The following CEP350 variants were observed in gnomAD, a reference collection of about 807,000 sequenced individuals.
CEP350 encodes the protein centrosome-associated protein 350.
CEP350 carries 126 observed loss-of-function variants against 331.8 expected under a neutral mutation model. That is an observed-to-expected ratio of 0.38 (90% CI 0.33 to 0.44). The LOEUF is 0.44. Among genes scored for constraint, CEP350 ranks in the 20% least tolerant of loss-of-function variants. CEP350 has a pLI of 1.00. For synonymous variants in CEP350, 1,200 were observed against 1,259.5 expected, an observed-to-expected ratio of 0.95 and a Z score of 1.00; for missense variants, 3,406 against 3,634.6, an observed-to-expected ratio of 0.94 and a Z score of 1.62.
intron 1 of CEP350, among the ~76,000 whole-genome samples, chr1:179,963,246 T>A (rs1650764575): frequency 6.6e-6 from 1 of 152,120 alleles, no homozygotes; most frequent in African/African-American, 2.4e-5. Context: ...CAAATATTTT[T>A]TTCCCATTCT....
At chr1:180,006,676 G>C in intron 8 of CEP350, 109 bp downstream of exon 8, 1 of 638,726 alleles carries the variant, frequency 1.6e-6, no homozygotes. Flanking sequence ...GATACACAGG[G>C]TATACGTGTG....
intron 25 of CEP350, among the ~76,000 whole-genome samples, chr1:180,060,359 A>C (rs1399988516): frequency 6.6e-6 from 1 of 152,040 alleles, no homozygotes; most frequent in Non-Finnish European, 1.5e-5. Context: ...TTAAAATCTC[A>C]CCATATGGGG....
At chr1:180,106,734 G>A (rs758597307) in intron 37 of CEP350, among the ~76,000 whole-genome samples, 3 of 151,826 alleles carry the variant, frequency 2.0e-5, no homozygotes, top group African/African-American at 4.8e-5. Flanking sequence ...GACCAGCCTC[G>A]TGTATTATTT....
intron 8 of CEP350, among the ~76,000 whole-genome samples, chr1:180,010,404 C>CTTTTT (rs60408983): frequency 2.5e-5 from 3 of 119,806 alleles, no homozygotes; most frequent in Non-Finnish European, 1.7e-5. Context: ...CCCATGTTTG[C>CTTTTT]TTTTTTTTTT....
In CEP350 at chr1:180,015,969, A is replaced by T; in HGVS notation, c.2173A>T (p.Arg725Ter). The T allele has an allele frequency of 6.2e-7, 1 of 1,613,352 alleles. No homozygotes were observed. The change falls in exon 11 of 38, where the codon AGA becomes TGA. Residue 725 changes from arginine to a stop codon, truncating the protein, a stop_gained and splice_region_variant. Transcript: ENST00000367607. LOFTEE classifies it high-confidence loss of function. ...CTCAGAACCTCCACAGCCTCTTGCA[A>T]GGTAAAAAGGGAAGAATGAAAGATG... ...SLSEPPQPLARKDLMESTWMQ... is the reference protein window; with the variant it reads ...SLSEPPQPLA
At chr1:179,956,543 G>T (rs1474335653) in intron 1 of CEP350, among the ~76,000 whole-genome samples, 1 of 152,152 alleles carries the variant, frequency 6.6e-6, no homozygotes, top group African/African-American at 2.4e-5. Flanking sequence ...GAATTATAAA[G>T]TTTTTGGATT....
chr1:180,091,342 G>C (rs1261394736), intron 33 of CEP350, among the ~76,000 whole-genome samples: 1 of 152,062 alleles, frequency 6.6e-6, no homozygotes, highest in Non-Finnish European at 1.5e-5. Context: ...ACACTCAGCT[G>C]AATCAGTCTT....
intron 1 of CEP350, among the ~76,000 whole-genome samples, chr1:179,971,677 G>A (rs1200138121): frequency 6.6e-6 from 1 of 152,130 alleles, no homozygotes; most frequent in African/African-American, 2.4e-5. Context: ...ATAAAAAGCA[G>A]TGAGTGGCAT....
intron 36 of CEP350, 85 bp downstream of exon 36, chr1:180,096,269 T>C: frequency 7.1e-7 from 1 of 1,411,198 alleles, no homozygotes. Context: ...GCAGGTGCTC[T>C]TCTGTATGAT....
intron 32 of CEP350, among the ~76,000 whole-genome samples, 169 bp from the exon 33 acceptor site, chr1:180,090,545 C>CAAAAAAAAAAAAAAAA (rs36128628): frequency 7.8e-5 from 6 of 77,354 alleles, no homozygotes; most frequent in African/African-American, 1.1e-4. Flanking sequence ...GACTCCGTCT[C>CAAAAAAAAAAAAAAAA]AAAAAAAAAA....
intron 28 of CEP350, among the ~76,000 whole-genome samples, chr1:180,076,200 T>C (rs977220550): frequency 2.0e-5 from 3 of 152,148 alleles, no homozygotes; most frequent in Admixed American, 2.0e-4. Context: ...CCTGGTATTA[T>C]AGTTCTTTAC....
At chr1:180,009,267 C>T (rs1571860614) in intron 8 of CEP350, among the ~76,000 whole-genome samples, 1 of 152,242 alleles carries the variant, frequency 6.6e-6, no homozygotes, top group Admixed American at 6.5e-5. Context: ...GCCTTAGCCT[C>T]CCAAAGTTTT....
chr1:179,991,667 A>ATGTGTGTGTG (rs751570955), intron 4 of CEP350, among the ~76,000 whole-genome samples: 2,127 of 90,094 alleles, frequency 0.024, 67 homozygotes, highest in South Asian at 0.043. Flanking sequence ...ATATATATAT[A>ATGTGTGTGTG]TGTGTGTGTG....
intron 37 of CEP350, among the ~76,000 whole-genome samples, chr1:180,107,324 C>G (rs1661198174): frequency 6.6e-6 from 1 of 152,128 alleles, no homozygotes; most frequent in Non-Finnish European, 1.5e-5. Flanking sequence ...AGGAAAAACT[C>G]CGAGTCTTTG....
intron 1 of CEP350, among the ~76,000 whole-genome samples, chr1:179,959,885 C>T (rs1389081700): frequency 2.7e-5 from 4 of 145,654 alleles, no homozygotes; most frequent in African/African-American, 7.5e-5. Flanking sequence ...AAAGTAAACC[C>T]GTAGGCTAGA....
At position 180,092,713 on chromosome 1, in the gene CEP350, A is replaced by G; in HGVS notation, c.6608A>G (p.Gln2203Arg). The G allele has an allele frequency of 6.2e-7, 1 of 1,611,642 alleles. No individual in the cohort carries two copies. Among genetic ancestry groups the G allele is most frequent in the South Asian group, 1.1e-5 (1 of 90,574 alleles). The change falls in exon 34 of 38, where the codon CAG (glutamine) becomes CGG (arginine). Residue 2203 changes from glutamine (Q) to arginine (R), a missense_variant. By Grantham distance (43) the Gln-to-Arg change is conservative. Transcript: ENST00000367607. ...NEWDSRTEDF[Q>R]TPSPVLRSSR... ...TGGGACAGTCGAACAGAAGATTTTC[A>G]GACCCCATCTCCAGTTCTCAGATCA...
chr1:179,979,813 T>C (rs1237287187), intron 1 of CEP350, among the ~76,000 whole-genome samples: 1 of 152,118 alleles, frequency 6.6e-6, no homozygotes, highest in Non-Finnish European at 1.5e-5. Context: ...CTATCCCCAA[T>C]GAATGTTCTT....
At chr1:180,046,910 A>G (rs1657157659) in intron 21 of CEP350, among the ~76,000 whole-genome samples, 1 of 152,256 alleles carries the variant, frequency 6.6e-6, no homozygotes, top group Admixed American at 6.5e-5. Flanking sequence ...TTCTGACTTG[A>G]AAGTCCCTAC....
chr1:180,098,895 C>T lies in CEP350; in HGVS notation c.9099C>T (p.Phe3033=). 1 of 1,613,152 alleles carries T rather than the reference C, an allele frequency of 6.2e-7. No individual in the cohort carries two copies. Among genetic ancestry groups the T allele is most frequent in the Non-Finnish European group, 8.5e-7 (1 of 1,179,496 alleles). Residue 3033 remains phenylalanine, a synonymous_variant, in exon 37 of 38, where the codon TTC becomes TTT. Transcript: ENST00000367607. ...SFIASEVLKL[F]SLKKEPNHKT... ...TAGCAAGTGAAGTACTCAAGTTGTTCAGTCTTAAAAAGGAGCCAAACCACA... is the reference window on the plus strand; with the variant it reads ...TAGCAAGTGAAGTACTCAAGTTGTTTAGTCTTAAAAAGGAGCCAAACCACA...
Sources: allele counts gnomAD v4.1 joint callset (sites outside exome capture counted in the v4.1 genomes callset), GRCh38; gene constraint gnomAD v4.1.1; transcripts MANE v1.5; gene names NCBI Gene and HGNC (gene_info 2026-07-23, HGNC 2026-07-21).